The following FOXN1 variants were observed in gnomAD, a reference collection of about 807,000 sequenced individuals.
FOXN1 encodes forkhead box protein N1.
FOXN1 carries 15 observed loss-of-function variants against 49.0 expected under a neutral mutation model. That is an observed-to-expected ratio of 0.31 (90% CI 0.20 to 0.47). The LOEUF (loss-of-function observed/expected upper bound fraction) is 0.47, where lower values mean the gene tolerates loss of function less well. Among genes scored for constraint, FOXN1 ranks in the 20% least tolerant of loss-of-function variants. The probability of loss-of-function intolerance (pLI) is 1.00; values close to 1 mark genes in which losing one functional copy is unlikely to be tolerated. For synonymous variants in FOXN1, 356 were observed against 369.0 expected, an observed-to-expected ratio of 0.96 and a Z score of 0.40; for missense variants, 800 against 842.8, an observed-to-expected ratio of 0.95 and a Z score of 0.63.
rs1777988345 is a variant in FOXN1, at chr17:28,538,857, C to T, written c.*1421C>T. 1 of 152,224 alleles carries T rather than the reference C, an allele frequency of 6.6e-6. No individual in the cohort carries two copies. Among genetic ancestry groups the T allele is most frequent in the Non-Finnish European group, 1.5e-5 (1 of 68,050 alleles). The allele number at this position is 152,224 out of a possible 1,614,324, so 9.4% of individuals were successfully genotyped here. A position where few individuals can be genotyped will look rare whatever the true frequency, so the allele number is the denominator to read the frequency against. ...AGATCCCGCGATGGCTTGTCATTGT[C>T]CCCTGTCCTGGAACAATAAAGCAAG... On this transcript the variant is annotated 3_prime_UTR_variant, in exon 9 of 9. Coordinates refer to ENST00000579795, the MANE Select transcript of FOXN1 (RefSeq NM_001369369.1).
Position 28,529,244 on chromosome 17 carries a change from G to A in FOXN1, c.830+20G>A. 1 of 1,613,720 alleles carries A rather than the reference G, an allele frequency of 6.2e-7. No homozygotes were observed. The highest frequency in any genetic ancestry group is 1.1e-5 in the South Asian group (1 of 91,068). On this transcript the variant is annotated intron_variant, in intron 5 of 8. Transcript: ENST00000579795. Reference sequence around the variant, plus strand: ...CTACAGGTACATTTCCCACTCTCCAGGGATGGGAGGAGGAGGGGAGTGAGA... The same window carrying A: ...CTACAGGTACATTTCCCACTCTCCAAGGATGGGAGGAGGAGGGGAGTGAGA...
chr17:28,518,464 C>T (rs1302476183), intron 1 of FOXN1, among the ~76,000 whole-genome samples: 3 of 152,142 alleles, frequency 2.0e-5, no homozygotes, highest in South Asian at 2.1e-4. Flanking sequence ...ATGGGTAGAG[C>T]GGGCGCAGGC....
chr17:28,529,567 A>C (rs185803990), intron 5 of FOXN1, among the ~76,000 whole-genome samples: 2 of 152,268 alleles, frequency 1.3e-5, no homozygotes, highest in African/African-American at 4.8e-5. Context: ...GCCTCCCCGG[A>C]AACAGACGGA....
intron 1 of FOXN1, among the ~76,000 whole-genome samples, chr17:28,519,811 G>A (rs534450293): frequency 3.9e-5 from 6 of 152,030 alleles, no homozygotes; most frequent in Non-Finnish European, 7.4e-5. Context: ...GACCTCTGAG[G>A]CCAGAGAGTC....
At chr17:28,527,181 G>A (rs1354788902) in intron 3 of FOXN1, 70 bp from the exon 4 acceptor site, 3 of 1,063,092 alleles carry the variant, frequency 2.8e-6, no homozygotes, top group Non-Finnish European at 4.3e-6. Flanking sequence ...TTTATGTAAG[G>A]TTCAAGACAC....
In FOXN1 at chr17:28,527,358, C is replaced by G; in HGVS notation, c.696C>G (p.His232Gln). ...ACTGCTCCTCCCAGCCCCCCTTCCA[C>G]CAGGTGGGTCTGGGGCAAGTGGGCC... ...HMYCSSQPPF[H>Q]QYSPGGGSYP... The change falls in exon 4 of 9, where the codon CAC becomes CAG. Residue 232 changes from histidine to glutamine, a missense_variant. Around this residue, in one of 3 missense-constraint regions of FOXN1, gnomAD observed 383 missense variants for 357.9 expected, o/e 1.07. Coordinates refer to ENST00000579795, the MANE Select transcript of FOXN1 (RefSeq NM_001369369.1). The G allele has an allele frequency of 1.3e-6, 2 of 1,599,080 alleles. No homozygotes were observed. Among genetic ancestry groups the G allele is most frequent in the Non-Finnish European group, 1.7e-6 (2 of 1,167,004 alleles).
chr17:28,513,452 T>C (rs1275217124), intron 1 of FOXN1, among the ~76,000 whole-genome samples: 1 of 152,236 alleles, frequency 6.6e-6, no homozygotes, highest in Non-Finnish European at 1.5e-5. Flanking sequence ...CAGCTTTCCA[T>C]CCATCAATCT....
intron 6 of FOXN1, among the ~76,000 whole-genome samples, chr17:28,533,813 G>T (rs560068025): frequency 6.6e-6 from 1 of 152,112 alleles, no homozygotes; most frequent in South Asian, 2.1e-4. Flanking sequence ...CACCAACCTC[G>T]CCCATCTTTC....
Position 28,537,286 on chromosome 17 carries a change from C to G in FOXN1, c.1797C>G (p.Ala599=). The G allele has an allele frequency of 6.2e-7, 1 of 1,614,000 alleles. No individual in the cohort carries two copies. The highest frequency in any genetic ancestry group is 1.1e-5 in the South Asian group (1 of 91,074). ...GCAGTGGGGCAGGTGACTTGGCAGC[C>G]CCGGGCAGTGGTGGCTCCGGGGCAC... ...ETGSGAGDLA[A]PGSGGSGALG... Residue 599 remains alanine (A), a synonymous_variant, in exon 9 of 9, where the codon GCC becomes GCG. Coordinates refer to ENST00000579795, the MANE Select transcript of FOXN1 (RefSeq NM_001369369.1).
At chr17:28,521,111 TG>T (rs1211814473) in intron 1 of FOXN1, among the ~76,000 whole-genome samples, 1 of 152,208 alleles carries the variant, frequency 6.6e-6, no homozygotes, top group Non-Finnish European at 1.5e-5. Flanking sequence ...ACGATGACCC[TG>T]CGAGGTGGGT....
chr17:28,524,107 T>C lies in FOXN1; in HGVS notation c.123+15T>C. Reference sequence around the variant, plus strand: ...CCCCACAGAGTGTAAGTACCCGGCATCTGGGCCTGGGTTTAGGCCAAGGCC... The same window carrying C: ...CCCCACAGAGTGTAAGTACCCGGCACCTGGGCCTGGGTTTAGGCCAAGGCC... On this transcript the variant is annotated intron_variant, in intron 2 of 8. Coordinates refer to ENST00000579795, the MANE Select transcript of FOXN1 (RefSeq NM_001369369.1). 1 of 1,580,010 alleles carries C rather than the reference T, an allele frequency of 6.3e-7. No homozygotes were observed. The highest frequency in any genetic ancestry group is 8.6e-7 in the Non-Finnish European group (1 of 1,163,630).
rs2069262846 is a variant in FOXN1, at chr17:28,506,419, C to G, written c.-39C>G. The G allele has an allele frequency of 6.6e-6, 1 of 152,426 alleles. No homozygotes were observed. 9.4% of individuals were successfully genotyped at this position (152,426 alleles called of 1,614,324 possible). ...TCCTGGCCCCCCAGACCCGGGCCCC[C>G]ACGCCGACCTGCTTCACTGAGCAGG... On this transcript the variant is annotated 5_prime_UTR_variant, in exon 1 of 9. Transcript: ENST00000579795.
At chr17:28,519,897 C>G (rs1476690630) in intron 1 of FOXN1, among the ~76,000 whole-genome samples, 1 of 152,128 alleles carries the variant, frequency 6.6e-6, no homozygotes, top group Non-Finnish European at 1.5e-5. Context: ...TAGGAGAAGG[C>G]AGGAAAGGGG....
intron 1 of FOXN1, among the ~76,000 whole-genome samples, chr17:28,517,548 C>T (rs1019088856): frequency 2.7e-5 from 4 of 149,922 alleles, no homozygotes; most frequent in African/African-American, 1.0e-4. Flanking sequence ...GGGTACATGC[C>T]TGCACAGGGT....
chr17:28,529,375 C>T, intron 5 of FOXN1, 151 bp downstream of exon 5: 1 of 973,586 alleles, frequency 1.0e-6, no homozygotes, highest in Non-Finnish European at 1.6e-6. Flanking sequence ...GAGAGGGTTC[C>T]TGCATGAAGG....
chr17:28,532,842 G>A (rs2069945758), intron 6 of FOXN1, among the ~76,000 whole-genome samples: 1 of 152,208 alleles, frequency 6.6e-6, no homozygotes, highest in African/African-American at 2.4e-5. Flanking sequence ...GGGCTGCCCT[G>A]GCATCCCAAA....
intron 1 of FOXN1, among the ~76,000 whole-genome samples, chr17:28,512,109 C>T (rs1555607108): frequency 6.6e-6 from 1 of 152,176 alleles, no homozygotes; most frequent in Non-Finnish European, 1.5e-5. Flanking sequence ...ATACCCCAGC[C>T]CATTTCTCCA....
chr17:28,531,977 G>A (rs61692056), intron 6 of FOXN1, among the ~76,000 whole-genome samples: 2,826 of 152,066 alleles, frequency 0.019, 83 homozygotes, highest in African/African-American at 0.064. Flanking sequence ...GAGGTGAGTC[G>A]TCCCTGGAAT....
In FOXN1 at chr17:28,537,193, A is replaced by G; in HGVS notation, c.1704A>G (p.Ser568=). ...TACTGGTGACCTCATCCCCGACATC[A>G]TCTTCGATGCCACCACCCCAGCCAC... ...PLVLVTSSPT[S]SSMPPPQPPP... Residue 568 remains serine, a synonymous_variant, in exon 9 of 9, where the codon TCA becomes TCG. Coordinates refer to ENST00000579795, the MANE Select transcript of FOXN1 (RefSeq NM_001369369.1). 6 of 1,613,816 alleles carry G rather than the reference A, an allele frequency of 3.7e-6. No individual in the cohort carries two copies. Among genetic ancestry groups the G allele is most frequent in the Non-Finnish European group, 5.1e-6 (6 of 1,179,826 alleles).
Sources: gnomAD v4.1 joint callset for allele counts (sites outside exome capture counted in the v4.1 genomes callset) on GRCh38, gnomAD v4.1.1 for gene constraint, gnomAD v4.1.1 regional missense constraint, MANE v1.5 for transcripts, NCBI Gene and HGNC (gene_info 2026-07-23, HGNC 2026-07-21) for gene names.